The following PCDHA4 variants were observed in gnomAD, a reference collection of about 807,000 sequenced individuals.
PCDHA4 encodes protocadherin alpha 4.
Under a neutral mutation model 61.4 loss-of-function variants are expected in PCDHA4, and 49 were observed. The ratio of observed to expected loss-of-function variants is 0.80; its 90% CI spans 0.63 to 1.01. PCDHA4 has a LOEUF of 1.01. Ranked by LOEUF, PCDHA4 falls within the 50% of genes least tolerant of loss-of-function variation. The probability of loss-of-function intolerance (pLI) is 0.00; values close to 1 mark genes in which losing one functional copy is unlikely to be tolerated. For missense variants in PCDHA4, 1,254 were observed against 1,235.8 expected (o/e 1.01, Z -0.22); for synonymous variants, 590 against 550.3 (o/e 1.07, Z -1.01).
chr5:140,863,123 GCCACCGCCTGCTGGTGCTGGTGAAGGA>G, intron 1 of PCDHA4: 1 of 593,078 alleles, frequency 1.7e-6, no homozygotes, highest in Non-Finnish European at 3.3e-6. Context: ...AAAGCTACGC[GCCACCGCCTGCTGGTGCTGGTGAAGGA>G]CCACTGCGAG....
intron 1 of PCDHA4, chr5:140,967,360 G>A: frequency 1.2e-6 from 2 of 1,607,656 alleles, no homozygotes; most frequent in South Asian, 1.1e-5. Context: ...TGGACCTTAA[G>A]CCCCTGCAGG....
chr5:140,864,688 C>G (rs1324668554), intron 1 of PCDHA4: 2 of 152,164 alleles, frequency 1.3e-5, no homozygotes, highest in Admixed American at 1.3e-4. Context: ...CTGCTGTCCT[C>G]CAGTTTAAGT....
rs372115820 is a variant in PCDHA4, at chr5:140,808,488, C to T, written c.1301C>T (p.Ser434Leu). 12 of 1,614,170 alleles carry T rather than the reference C, an allele frequency of 7.4e-6. No individual in the cohort carries two copies. Among genetic ancestry groups the T allele is most frequent in the Non-Finnish European group, 1.0e-5 (12 of 1,180,050 alleles). Residue 434 changes from serine (S) to leucine (L), a missense_variant, in exon 1 of 4, where the codon TCG becomes TTG. By Grantham distance (145) the Ser-to-Leu change is moderately radical. Transcript: ENST00000530339. ...VVTARDGGSP[S>L]LWATASVSVE... Reference sequence around the variant, plus strand: ...ACCGCGCGAGACGGGGGCTCGCCTTCGCTGTGGGCCACGGCCAGTGTTTCT... The same window carrying T: ...ACCGCGCGAGACGGGGGCTCGCCTTTGCTGTGGGCCACGGCCAGTGTTTCT...
intron 1 of PCDHA4, among the ~76,000 whole-genome samples, chr5:140,903,417 T>C (rs1583492047): frequency 6.6e-6 from 1 of 152,200 alleles, no homozygotes; most frequent in Non-Finnish European, 1.5e-5. Flanking sequence ...CAGGAAAAAT[T>C]CAGCACAATA....
chr5:140,879,685 A>G (rs2058084553), intron 1 of PCDHA4, among the ~76,000 whole-genome samples: 1 of 152,266 alleles, frequency 6.6e-6, no homozygotes, highest in East Asian at 1.9e-4. Flanking sequence ...GCTGTAAAAC[A>G]GCAAAAGTTT....
chr5:140,921,151 ATTT>A (rs11299094), intron 1 of PCDHA4, among the ~76,000 whole-genome samples: 3 of 151,512 alleles, frequency 2.0e-5, no homozygotes, highest in South Asian at 2.1e-4. Context: ...CAGCTAATGC[ATTT>A]TTTTTTTAAC....
intron 1 of PCDHA4, among the ~76,000 whole-genome samples, chr5:140,941,270 T>TTTCC (rs1378866749): frequency 2.2e-5 from 3 of 136,668 alleles, no homozygotes; most frequent in Admixed American, 7.6e-5. Context: ...TCTTTCTTTC[T>TTTCC]TTCCTTCCTT....
chr5:140,926,806 C>T, intron 1 of PCDHA4: 1 of 1,456,722 alleles, frequency 6.9e-7, no homozygotes, highest in Non-Finnish European at 9.0e-7. Flanking sequence ...CTCTTCCCCG[C>T]GGCTCGTGCT....
At chr5:140,883,892 G>T in intron 1 of PCDHA4, 3 of 1,613,362 alleles carry the variant, frequency 1.9e-6, no homozygotes, top group Non-Finnish European at 1.7e-6. Context: ...CGACTCTGGC[G>T]TGCCGCCTCT....
chr5:140,870,918 G>A, intron 1 of PCDHA4: 1 of 1,613,956 alleles, frequency 6.2e-7, no homozygotes, highest in Non-Finnish European at 8.5e-7. Context: ...ACAACGCGTG[G>A]CTTTCATATG....
intron 1 of PCDHA4, chr5:140,863,573 C>T (rs2048075555): frequency 5.4e-6 from 2 of 367,848 alleles, no homozygotes; most frequent in South Asian, 4.3e-5. Flanking sequence ...AATATAAGTA[C>T]TGTAATCCTG....
chr5:140,827,921 A>G (rs2150149765), intron 1 of PCDHA4: 1 of 938,742 alleles, frequency 1.1e-6, no homozygotes, highest in East Asian at 2.4e-5. Context: ...GTCGCTGTCT[A>G]CCATGAAGTT....
intron 1 of PCDHA4, chr5:140,966,778 G>A: frequency 6.6e-7 from 1 of 1,512,496 alleles, no homozygotes; most frequent in Non-Finnish European, 8.8e-7. Flanking sequence ...TGGAGCAGGC[G>A]GGCACCAGAC....
chr5:140,828,862 C>G (rs368773020), intron 1 of PCDHA4: 3 of 1,614,178 alleles, frequency 1.9e-6, no homozygotes, highest in Non-Finnish European at 2.5e-6. Flanking sequence ...ATGCAGACAA[C>G]GGAACAACAG....
At chr5:140,850,442 G>A in intron 1 of PCDHA4, 1 of 1,598,036 alleles carries the variant, frequency 6.3e-7, no homozygotes, top group Non-Finnish European at 8.6e-7. Flanking sequence ...GCCTACTGGT[G>A]CTGGTGAAAG....
chr5:140,875,771 C>A (rs182160950), intron 1 of PCDHA4: 3 of 1,614,080 alleles, frequency 1.9e-6, no homozygotes, highest in Non-Finnish European at 2.5e-6. Context: ...GGGCGGAGCG[C>A]GGAGTGCAGT....
At chr5:141,003,771 T>G (rs1301111940) in intron 3 of PCDHA4, among the ~76,000 whole-genome samples, 4 of 152,250 alleles carry the variant, frequency 2.6e-5, no homozygotes, top group African/African-American at 9.6e-5. Context: ...CGTATTCTGT[T>G]AAATAAACTT....
intron 1 of PCDHA4, among the ~76,000 whole-genome samples, chr5:140,886,184 G>T (rs894479887): frequency 6.6e-6 from 1 of 151,966 alleles, no homozygotes; most frequent in Admixed American, 6.6e-5. Flanking sequence ...GCCTAATGCT[G>T]GCAAGCAGTA....
chr5:140,931,247 C>G (rs782447233), intron 1 of PCDHA4, among the ~76,000 whole-genome samples: 4 of 152,032 alleles, frequency 2.6e-5, no homozygotes, highest in African/African-American at 4.8e-5. Flanking sequence ...CTTTTCCTAC[C>G]AAGAAATTTC....
Sources: gnomAD v4.1 joint callset for allele counts (sites outside exome capture counted in the v4.1 genomes callset) on GRCh38, gnomAD v4.1.1 for gene constraint, MANE v1.5 for transcripts, NCBI Gene and HGNC (gene_info 2026-07-23, HGNC 2026-07-21) for gene names.